The following HTRA1 variants were observed in gnomAD, a reference collection of about 807,000 sequenced individuals.
The protein encoded by HTRA1 is serine protease HTRA1.
A neutral mutation model predicts 49.7 loss-of-function variants in HTRA1; 26 were observed. The ratio of observed to expected loss-of-function variants is 0.52; its 90% CI spans 0.38 to 0.73. The LOEUF is 0.73. HTRA1 is among the 30% of genes least tolerant of loss of function. The pLI is 0.00. For missense variants in HTRA1, 561 were observed against 667.2 expected (o/e 0.84, Z 1.75); for synonymous variants, 291 against 286.9 (o/e 1.01, Z -0.14).
intron 1 of HTRA1, among the ~76,000 whole-genome samples, chr10:122,462,605 A>G (rs763727319): frequency 3.9e-5 from 6 of 152,224 alleles, no homozygotes; most frequent in Non-Finnish European, 7.3e-5. Flanking sequence ...GGGACCGCTC[A>G]GTGAAAACTG....
At chr10:122,480,308 T>C (rs1004005551) in intron 1 of HTRA1, among the ~76,000 whole-genome samples, 5 of 151,634 alleles carry the variant, frequency 3.3e-5, no homozygotes, top group African/African-American at 1.2e-4. Flanking sequence ...CCAGATGCTC[T>C]GCGTTTGTGA....
At chr10:122,482,677 T>C (rs193282184) in intron 1 of HTRA1, among the ~76,000 whole-genome samples, 260 of 152,220 alleles carry the variant, frequency 1.7e-3, no homozygotes, top group Middle Eastern at 3.4e-3. Flanking sequence ...CCCAGCACTT[T>C]GGGTGGCTGA....
chr10:122,496,828 C>T (rs750689760), intron 3 of HTRA1, among the ~76,000 whole-genome samples: 1 of 152,108 alleles, frequency 6.6e-6, no homozygotes. Context: ...GTCATTTCCT[C>T]GTGAGTTTAT....
intron 1 of HTRA1, among the ~76,000 whole-genome samples, chr10:122,475,315 TC>T (rs1287327226): frequency 2.6e-5 from 4 of 152,170 alleles, no homozygotes; most frequent in Non-Finnish European, 5.9e-5. Context: ...TGGGAGACTG[TC>T]CCGGAAAGAG....
chr10:122,471,640 C>T (rs1050135647), intron 1 of HTRA1, among the ~76,000 whole-genome samples: 19 of 152,194 alleles, frequency 1.2e-4, no homozygotes, highest in African/African-American at 3.6e-4. Flanking sequence ...TAGAGCTCAA[C>T]CCTTCACTTC....
chr10:122,502,826 C>T (rs1027821333), intron 3 of HTRA1, among the ~76,000 whole-genome samples: 2 of 152,240 alleles, frequency 1.3e-5, no homozygotes, highest in African/African-American at 4.8e-5. Context: ...TCTATGAGAG[C>T]AGGCATGGGT....
At chr10:122,472,591 C>T (rs1462463730) in intron 1 of HTRA1, among the ~76,000 whole-genome samples, 5 of 152,008 alleles carry the variant, frequency 3.3e-5, no homozygotes, top group Non-Finnish European at 5.9e-5. Flanking sequence ...GAGACAGTTT[C>T]GCCATGTTGG....
intron 8 of HTRA1, among the ~76,000 whole-genome samples, chr10:122,513,346 C>A (rs952918946): frequency 6.6e-6 from 1 of 152,130 alleles, no homozygotes; most frequent in Non-Finnish European, 1.5e-5. Flanking sequence ...GGCCAACTAT[C>A]TGGCAGATAT....
intron 1 of HTRA1, among the ~76,000 whole-genome samples, chr10:122,470,012 G>T (rs1181308108): frequency 2.0e-4 from 30 of 152,122 alleles, no homozygotes; most frequent in Admixed American, 1.5e-3. Context: ...GTCTTGGTGA[G>T]TGTTCCCTGT....
chr10:122,489,341 T>G, intron 2 of HTRA1, 81 bp from the exon 3 acceptor site: 5 of 1,282,192 alleles, frequency 3.9e-6, no homozygotes, highest in Non-Finnish European at 2.3e-6. Context: ...TGTGTGGCTG[T>G]TGCACAACCC....
chr10:122,480,521 G>A (rs1373986868), intron 1 of HTRA1, among the ~76,000 whole-genome samples: 1 of 152,212 alleles, frequency 6.6e-6, no homozygotes, highest in Non-Finnish European at 1.5e-5. Flanking sequence ...AGCTGCCTTG[G>A]TCCCCTAAAG....
intron 1 of HTRA1, among the ~76,000 whole-genome samples, chr10:122,468,240 T>C (rs1290409887): frequency 6.6e-6 from 1 of 152,118 alleles, no homozygotes; most frequent in Non-Finnish European, 1.5e-5. Flanking sequence ...GGTGACTTCA[T>C]CTCTAAGTCT....
chr10:122,461,793 G>A lies in HTRA1; in HGVS notation c.141G>A (p.Pro47=). 1.9e-6 allele frequency: 2 copies of A among 1,051,784 alleles called. No homozygotes were observed. The highest frequency in any genetic ancestry group is 2.3e-6 in the Non-Finnish European group (2 of 875,548). The allele number at this position is 1,051,784 out of a possible 1,614,324, so 65.2% of individuals were successfully genotyped here. ...ACCGCTGCGAGCCGGCGCGCTGCCC[G>A]CCGCAGCCGGAGCACTGCGAGGGCG... ...CPDRCEPARC[P]PQPEHCEGGR... The change falls in exon 1 of 9, where the codon CCG becomes CCA. Residue 47 remains proline, a synonymous_variant. Coordinates refer to ENST00000368984, the MANE Select transcript of HTRA1 (RefSeq NM_002775.5).
At chr10:122,478,687 G>A (rs565130544) in intron 1 of HTRA1, among the ~76,000 whole-genome samples, 11 of 151,720 alleles carry the variant, frequency 7.3e-5, no homozygotes, top group Admixed American at 2.0e-4. Context: ...CCACTCGCCC[G>A]GCTGAGTTTG....
chr10:122,480,075 G>A (rs2097490304), intron 1 of HTRA1, among the ~76,000 whole-genome samples: 1 of 152,114 alleles, frequency 6.6e-6, no homozygotes, highest in African/African-American at 2.4e-5. Context: ...ATCTCACCTA[G>A]GACTCCCAAG....
intron 1 of HTRA1, among the ~76,000 whole-genome samples, chr10:122,480,883 G>A (rs1365758845): frequency 1.3e-5 from 2 of 151,928 alleles, no homozygotes; most frequent in East Asian, 1.9e-4. Flanking sequence ...AAAAGAAAAT[G>A]CCCAAAATGA....
In HTRA1 at chr10:122,470,564, T is replaced by C. The variant is rs190443280; in HGVS notation, c.472+8440T>C. Among the ~76,000 whole-genome samples the C allele has an allele frequency of 5.3e-5, 8 of 152,120 alleles. No individual in the cohort carries two copies. In the East Asian group the frequency reaches 9.7e-4, roughly 18 times the overall value. ...TTGTCAACTCCTAAAGCTTCAATGC[T>C]AGGAATCCTAAAGCATTGAAGTCCA... is the stretch of plus-strand genomic sequence containing the variant. On this transcript the variant is annotated intron_variant, in intron 1 of 8. Transcript: ENST00000368984.
At chr10:122,475,238 G>C (rs1184386691) in intron 1 of HTRA1, among the ~76,000 whole-genome samples, 6 of 152,228 alleles carry the variant, frequency 3.9e-5, no homozygotes, top group Non-Finnish European at 8.8e-5. Context: ...AAGGCACCCG[G>C]GACATGCAGG....
chr10:122,502,474 C>T (rs368499097), intron 3 of HTRA1, among the ~76,000 whole-genome samples: 3 of 152,180 alleles, frequency 2.0e-5, no homozygotes, highest in African/African-American at 7.2e-5. Context: ...GAGCCCATGG[C>T]CAGGACTCTG....
Sources: allele counts gnomAD v4.1 joint callset (sites outside exome capture counted in the v4.1 genomes callset), GRCh38; gene constraint gnomAD v4.1.1; transcripts MANE v1.5; gene names NCBI Gene and HGNC (gene_info 2026-07-23, HGNC 2026-07-21).